Variants in POLR2F observed in about 807,000 individuals in gnomAD.
POLR2F encodes the protein RNA polymerase II, I and III subunit F.
Under a neutral mutation model 22.7 loss-of-function variants are expected in POLR2F, and 12 were observed. The observed-to-expected ratio is 0.53, with a 90% CI of 0.34 to 0.86. The LOEUF is 0.86. Among genes scored for constraint, POLR2F ranks in the 40% least tolerant of loss-of-function variants. The pLI, the probability that POLR2F is intolerant of heterozygous loss-of-function variation, is 0.02. For synonymous variants in POLR2F, 57 were observed against 66.0 expected, an observed-to-expected ratio of 0.86 and a Z score of 0.66; for missense variants, 126 against 171.5, an observed-to-expected ratio of 0.73 and a Z score of 1.48.
intron 1 of POLR2F, among the ~76,000 whole-genome samples, chr22:37,994,767 A>G (rs2084696605): frequency 6.6e-6 from 1 of 152,146 alleles, no homozygotes; most frequent in African/African-American, 2.4e-5. Flanking sequence ...TGGCCTCCCA[A>G]GGTGCTGGGA....
downstream of POLR2F, among the ~76,000 whole-genome samples, chr22:38,031,437 G>T (rs1250587819): frequency 1.4e-4 from 21 of 152,118 alleles, no homozygotes; most frequent in Admixed American, 1.4e-3. This position sits in a 1 kb window ranked among gnomAD's most constrained non-coding sequence, Gnocchi z 4.1. Context: ...AGCCCAGGTA[G>T]TAATTACAGT....
Position 38,016,972 on chromosome 22 carries a change from G to A in POLR2F, c.121-8897G>A, listed in dbSNP as rs574572073. Among the ~76,000 whole-genome samples the A allele has an allele frequency of 4.0e-4, 61 of 152,238 alleles. No individual in the cohort carries two copies. The highest frequency in any genetic ancestry group is 7.5e-4 in the Non-Finnish European group (51 of 68,000). On this transcript the variant is annotated intron_variant, in intron 1 of 2. Coordinates refer to the POLR2F transcript ENST00000333418. The surrounding 1 kb of genome is among the most constrained non-coding windows in gnomAD (Gnocchi z 4.4). ...CGGCCGGGAGAGATGGAGCCAGGCC[G>A]GGGTGCCGGGGGGCAGCGCAAGGGG...
chr22:38,036,080 A>G (rs1428776741), intron 5 of POLR2F, among the ~76,000 whole-genome samples: 1 of 151,734 alleles, frequency 6.6e-6, no homozygotes, highest in Non-Finnish European at 1.5e-5. Flanking sequence ...GGTTCAAGCA[A>G]TTCTCCTGCC....
At chr22:38,041,339 G>A, downstream of POLR2F, 1 of 559,634 alleles carries the variant, frequency 1.8e-6, no homozygotes, top group Non-Finnish European at 3.2e-6. Context: ...CTGAGTGAGG[G>A]ACACAGCAGG....
downstream of POLR2F, chr22:37,973,505 G>A: frequency 6.2e-7 from 1 of 1,600,610 alleles, no homozygotes; most frequent in Non-Finnish European, 8.5e-7. Context: ...TTAGGGCCGG[G>A]ACAGTGTCGT....
At chr22:37,987,579 G>A (rs1932620622) in intron 1 of POLR2F, 1 of 338,686 alleles carries the variant, frequency 3.0e-6, no homozygotes, top group South Asian at 2.4e-5. Context: ...TGAAGGTCAG[G>A]AAATCTGCTG....
chr22:38,027,380 T>C (rs1363618920), downstream of POLR2F, among the ~76,000 whole-genome samples: 1 of 152,002 alleles, frequency 6.6e-6, no homozygotes, highest in Non-Finnish European at 1.5e-5. Context: ...GTGTCACCCA[T>C]GTGGGGCAGG....
exon 2 of POLR2F, chr22:38,026,143 G>A (rs777949344): frequency 1.9e-5 from 10 of 533,398 alleles, no homozygotes; most frequent in Non-Finnish European, 3.8e-5. Flanking sequence ...GCCTTCAGAT[G>A]CCTGGTAGGC....
Position 37,959,511 on chromosome 22 carries a change from G to C in POLR2F, c.221+35G>C, listed in dbSNP as rs1167044757. 4 of 1,608,556 alleles carry C rather than the reference G, an allele frequency of 2.5e-6. No individual in the cohort carries two copies. In the African/African-American group the frequency reaches 4.0e-5, roughly 16 times the overall value. ...TGCCCCTTCACTGTCTTCTCCATCT[G>C]TCAGGCCACAGTAAGCTCTTGTACC... On this transcript the variant is annotated intron_variant, in intron 3 of 4. Coordinates refer to ENST00000442738, the MANE Select transcript of POLR2F (RefSeq NM_021974.5).
downstream of POLR2F, chr22:37,973,723 G>A (rs2145760848): frequency 1.9e-6 from 3 of 1,605,374 alleles, no homozygotes; most frequent in Non-Finnish European, 2.6e-6. Flanking sequence ...TGGAGGGGAA[G>A]GCTGAGCCAT....
chr22:37,960,524 A>C (rs922290292), intron 3 of POLR2F, among the ~76,000 whole-genome samples: 3 of 151,986 alleles, frequency 2.0e-5, no homozygotes, highest in African/African-American at 7.2e-5. Flanking sequence ...CAGCCTCCAG[A>C]GTAGCTGGGA....
downstream of POLR2F, chr22:38,041,258 G>A (rs2085169665): frequency 3.4e-6 from 4 of 1,184,242 alleles, no homozygotes; most frequent in East Asian, 4.8e-5. Flanking sequence ...GGCAGGCACA[G>A]GGGGAGGGAG....
At chr22:37,957,667 T>A (rs530974376) in intron 2 of POLR2F, among the ~76,000 whole-genome samples, 1 of 152,282 alleles carries the variant, frequency 6.6e-6, no homozygotes, top group South Asian at 2.1e-4. Flanking sequence ...CCCCTTCCCA[T>A]CCCTGTCATG....
At chr22:38,027,874 A>G (rs1294138983), downstream of POLR2F, among the ~76,000 whole-genome samples, 1 of 152,164 alleles carries the variant, frequency 6.6e-6, no homozygotes, top group Admixed American at 6.5e-5. Flanking sequence ...CCCTTACTGC[A>G]TGCCACAGTG....
chr22:37,979,662 A>G (rs1275182249), intron 4 of POLR2F, among the ~76,000 whole-genome samples: 1 of 152,034 alleles, frequency 6.6e-6, no homozygotes, highest in East Asian at 1.9e-4. Context: ...ACACATGGAG[A>G]GAAGAAGCCC....
rs1932352736 is a variant in POLR2F, at chr22:37,980,161, C to T, written c.293+12991C>T. 6.6e-6 allele frequency among the ~76,000 whole-genome samples: 1 copy of T among 152,112 alleles called. No individual in the cohort carries two copies. The highest frequency in any genetic ancestry group is 2.1e-4 in the South Asian group (1 of 4,828). ...TTAGGACAAAGATGCCGGAGCAGGG[C>T]CTTGAGAGTCAGGGAGTGGGATGTG... On this transcript the variant is annotated intron_variant, in intron 4 of 4. Transcript: ENST00000405557. The surrounding 1 kb of genome is among the most constrained non-coding windows in gnomAD (Gnocchi z 4.1).
chr22:38,031,879 C>A lies in POLR2F; in HGVS notation c.453-9189C>A, dbSNP rs539517207. ...CCCTTCATCCCCTATGGCTAGTCAT[C>A]GGCCATGACAATTTTTCCTTCCAAA... On this transcript the variant is annotated intron_variant, in intron 5 of 5. Coordinates refer to the POLR2F transcript ENST00000407936. This position sits in a 1 kb window ranked among gnomAD's most constrained non-coding sequence, Gnocchi z 4.1. Among the ~76,000 whole-genome samples the A allele has an allele frequency of 6.6e-6, 1 of 152,294 alleles. No homozygotes were observed. Among genetic ancestry groups the A allele is most frequent in the African/African-American group, 2.4e-5 (1 of 41,554 alleles).
chr22:38,022,551 C>CAAAAAAAAAAAAAAAAA (rs376987789), intron 1 of POLR2F, among the ~76,000 whole-genome samples: 1 of 55,828 alleles, frequency 1.8e-5, no homozygotes, highest in Non-Finnish European at 3.6e-5. Flanking sequence ...AACGCTGTCT[C>CAAAAAAAAAAAAAAAAA]AAAAAAAAAA....
chr22:38,004,200 C>T (rs2084800590), intron 1 of POLR2F, among the ~76,000 whole-genome samples: 1 of 151,886 alleles, frequency 6.6e-6, no homozygotes, highest in South Asian at 2.1e-4. Flanking sequence ...CACTATATTG[C>T]TCAGGCTGGT....
Sources: allele counts gnomAD v4.1 joint callset (sites outside exome capture counted in the v4.1 genomes callset), GRCh38; gene constraint gnomAD v4.1.1; non-coding constraint Gnocchi (gnomAD v3.1); transcripts MANE v1.5; gene names NCBI Gene and HGNC (gene_info 2026-07-23, HGNC 2026-07-21).